Variants in NCAM2 observed in about 807,000 individuals in gnomAD.
NCAM2 encodes N-CAM-2.
A neutral mutation model predicts 98.1 loss-of-function variants in NCAM2; 30 were observed. The observed-to-expected ratio is 0.31, with a 90% CI of 0.23 to 0.41. NCAM2 has a LOEUF of 0.41. NCAM2 is among the 10% of genes least tolerant of loss of function. NCAM2 has a pLI of 1.00. For missense variants in NCAM2, 867 were observed against 1,005.8 expected, an observed-to-expected ratio of 0.86 and a Z score of 1.87; for synonymous variants, 368 against 342.4, an observed-to-expected ratio of 1.07 and a Z score of -0.83.
intron 1 of NCAM2, among the ~76,000 whole-genome samples, chr21:21,149,529 A>G (rs1371976619): frequency 1.3e-5 from 2 of 151,992 alleles, no homozygotes; most frequent in Admixed American, 6.6e-5. Flanking sequence ...TAAGCCCTGC[A>G]TGCATTAGGT....
At chr21:21,534,785 A>T (rs1989893664) in intron 17 of NCAM2, 129 bp downstream of exon 17, 1 of 959,030 alleles carries the variant, frequency 1.0e-6, no homozygotes. Flanking sequence ...TTTTTTGATG[A>T]AAGTACATGT....
In NCAM2 at chr21:21,418,516, C is replaced by T. The variant is rs757053537; in HGVS notation, c.1427C>T (p.Thr476Ile). Residue 476 changes from threonine (T) to isoleucine (I), a missense_variant, in exon 11 of 18, where the codon ACA becomes ATA. Thr to Ile is a moderately conservative substitution (Grantham distance 89). Transcript: ENST00000400546. ...SDNDFGRYNC[T>I]ATNHIGTRFQ... is the part of the protein sequence containing the mutation. The stretch of plus-strand genomic sequence containing the variant: ...AATGACTTTGGACGCTATAATTGCA[C>T]AGCCACTAATCATATAGGAACAAGA... 6.2e-7 allele frequency: 1 copy of T among 1,612,380 alleles called. No homozygotes were observed. Among genetic ancestry groups the T allele is most frequent in the Non-Finnish European group, 8.5e-7 (1 of 1,178,702 alleles).
chr21:21,053,944 CTT>C (rs11288881), intron 1 of NCAM2, among the ~76,000 whole-genome samples: 26 of 147,834 alleles, frequency 1.8e-4, no homozygotes, highest in African/African-American at 5.0e-4. Context: ...TTAAGCTATT[CTT>C]TTTTTTTTTC....
At chr21:21,452,492 A>G (rs1981279392) in intron 12 of NCAM2, among the ~76,000 whole-genome samples, 1 of 136,622 alleles carries the variant, frequency 7.3e-6, no homozygotes, top group African/African-American at 2.7e-5. Context: ...ATAAAATATC[A>G]ATTTATATAT....
rs368185174 is a variant in NCAM2 at position 21,477,270 on chromosome 21, G to A, written c.1897-21G>A. ...TTTAGTGTATGGATATTTACAAACT[G>A]CATTTTTATTGCTTTCACAGAAAGA... On this transcript the variant is annotated intron_variant, in intron 14 of 17. Transcript: ENST00000400546. 52 of 1,552,488 alleles carry A rather than the reference G, an allele frequency of 3.3e-5. No homozygotes were observed. The Middle Eastern group carries it at 6.9e-4, about 21-fold the overall frequency.
At chr21:21,529,967 T>A (rs1405054414) in intron 16 of NCAM2, among the ~76,000 whole-genome samples, 1 of 150,174 alleles carries the variant, frequency 6.7e-6, no homozygotes, top group African/African-American at 2.4e-5. Flanking sequence ...TGATAAAACA[T>A]AACATATATT....
At chr21:21,355,159 C>A (rs1354750293) in intron 8 of NCAM2, among the ~76,000 whole-genome samples, 1 of 151,984 alleles carries the variant, frequency 6.6e-6, no homozygotes, top group African/African-American at 2.4e-5. Context: ...CGTGACCGGG[C>A]ATGGTGGCTC....
intron 1 of NCAM2, among the ~76,000 whole-genome samples, chr21:21,044,100 CATACTA>C (rs2064962455): frequency 6.6e-6 from 1 of 151,986 alleles, no homozygotes; most frequent in South Asian, 2.1e-4. Flanking sequence ...TACTGCAAAA[CATACTA>C]ATACATTTTA....
At chr21:21,045,352 A>T (rs1338827413) in intron 1 of NCAM2, among the ~76,000 whole-genome samples, 1 of 152,140 alleles carries the variant, frequency 6.6e-6, no homozygotes, top group Admixed American at 6.5e-5. Context: ...CAGAATAGAT[A>T]GAAACTAGGC....
intron 9 of NCAM2, among the ~76,000 whole-genome samples, chr21:21,376,123 G>T (rs924706170): frequency 6.6e-6 from 1 of 151,558 alleles, no homozygotes; most frequent in African/African-American, 2.4e-5. Context: ...AAGATAAGAG[G>T]GTTTAAAGAA....
At chr21:21,368,627 T>G (rs909410361) in intron 8 of NCAM2, among the ~76,000 whole-genome samples, 2 of 151,904 alleles carry the variant, frequency 1.3e-5, no homozygotes, top group South Asian at 2.1e-4. Flanking sequence ...TGTGTTCTTA[T>G]ATGGTGCATG....
intron 8 of NCAM2, among the ~76,000 whole-genome samples, chr21:21,356,954 A>T (rs1476653904): frequency 6.6e-6 from 1 of 151,468 alleles, no homozygotes; most frequent in African/African-American, 2.4e-5. Flanking sequence ...GCGCCATTGC[A>T]CTCCAGCCTG....
intron 16 of NCAM2, among the ~76,000 whole-genome samples, chr21:21,512,669 T>A (rs949703704): frequency 1.3e-5 from 2 of 152,060 alleles, no homozygotes; most frequent in Admixed American, 6.6e-5. Flanking sequence ...ATCTGTAGAT[T>A]TCTTTGAGTA....
chr21:21,518,229 G>T (rs920219117), intron 16 of NCAM2, among the ~76,000 whole-genome samples: 3 of 151,914 alleles, frequency 2.0e-5, no homozygotes, highest in Non-Finnish European at 4.4e-5. Context: ...GTTTGTCTAT[G>T]ACCATTTGTT....
At chr21:21,264,945 A>ATATATATACACATATATAT (rs2072092451) in intron 1 of NCAM2, among the ~76,000 whole-genome samples, 1 of 11,024 alleles carries the variant, frequency 9.1e-5, no homozygotes, top group Non-Finnish European at 2.4e-4. Flanking sequence ...ATGTGTGTGT[A>ATATATATACACATATATAT]TATATATGTG....
chr21:21,199,064 TA>T, intron 1 of NCAM2, among the ~76,000 whole-genome samples: 1 of 152,326 alleles, frequency 6.6e-6, no homozygotes, highest in South Asian at 2.1e-4. Flanking sequence ...GTCTTAAATG[TA>T]ACCCAGTTTG....
chr21:21,210,684 C>T (rs1479757904), intron 1 of NCAM2: 11 of 1,246,468 alleles, frequency 8.8e-6, no homozygotes, highest in Non-Finnish European at 1.1e-5. Context: ...AGACTTATTA[C>T]AGGACAGGTC....
At chr21:21,018,215 C>T (rs1378346340) in intron 1 of NCAM2, among the ~76,000 whole-genome samples, 2 of 152,162 alleles carry the variant, frequency 1.3e-5, no homozygotes, top group East Asian at 1.9e-4. Context: ...AACACCTCTC[C>T]CCACTATTTT....
intron 1 of NCAM2, among the ~76,000 whole-genome samples, chr21:21,256,636 G>A (rs1481812997): frequency 6.6e-6 from 1 of 152,028 alleles, no homozygotes. Context: ...CTTTTTTAAG[G>A]AGTGTCATGA....
Sources: allele counts gnomAD v4.1 joint callset (sites outside exome capture counted in the v4.1 genomes callset), GRCh38; gene constraint gnomAD v4.1.1; transcripts MANE v1.5; gene names NCBI Gene and HGNC (gene_info 2026-07-23, HGNC 2026-07-21).